CUX1: variants seen among roughly 807,000 people sequenced by gnomAD.
CUX1 encodes cut like homeobox 1, also known as protein CASP.
Under a neutral mutation model 158.8 loss-of-function variants are expected in CUX1, and 31 were observed. That is an observed-to-expected ratio of 0.20 (90% CI 0.15 to 0.26). CUX1 has a LOEUF of 0.26. Ranked by LOEUF, CUX1 falls within the 10% of genes least tolerant of loss-of-function variation. CUX1 has a pLI of 1.00. For synonymous variants in CUX1, 879 were observed against 862.1 expected, an observed-to-expected ratio of 1.02 and a Z score of -0.34; for missense variants, 1,589 against 2,014.6, an observed-to-expected ratio of 0.79 and a Z score of 4.04.
At chr7:102,074,441 C>T (rs1424944958) in intron 4 of CUX1, among the ~76,000 whole-genome samples, 1 of 152,240 alleles carries the variant, frequency 6.6e-6, no homozygotes, top group African/African-American at 2.4e-5. Context: ...CTCCCACCTG[C>T]TTCCCCTTCC....
chr7:102,112,966 T>C (rs1029346979), intron 7 of CUX1, among the ~76,000 whole-genome samples: 12 of 152,160 alleles, frequency 7.9e-5, no homozygotes, highest in Non-Finnish European at 1.8e-4. Flanking sequence ...ATAATTCAAC[T>C]TAAAACACAA....
At chr7:101,969,618 C>T (rs1308726116) in intron 2 of CUX1, among the ~76,000 whole-genome samples, 1 of 152,126 alleles carries the variant, frequency 6.6e-6, no homozygotes, top group East Asian at 1.9e-4. Flanking sequence ...TCGAAGGGAA[C>T]TTAAGATGTA....
chr7:101,890,556 G>T (rs1800771743), intron 1 of CUX1, among the ~76,000 whole-genome samples: 1 of 152,162 alleles, frequency 6.6e-6, no homozygotes, highest in Non-Finnish European at 1.5e-5. Context: ...GGATCAGAGT[G>T]ATACACGCGC....
At chr7:101,845,017 AT>A (rs1408391843) in intron 1 of CUX1, among the ~76,000 whole-genome samples, 1 of 151,784 alleles carries the variant, frequency 6.6e-6, no homozygotes, top group Non-Finnish European at 1.5e-5. Context: ...CTGATGTCTT[AT>A]TTTTTTCTTT....
intron 20 of CUX1, chr7:102,280,980 G>A: frequency 2.3e-6 from 2 of 853,188 alleles, no homozygotes; most frequent in South Asian, 1.5e-5. Flanking sequence ...AAGAGTGGCT[G>A]TGTGATCTGG....
Position 102,252,529 on chromosome 7 carries a change from G to A in CUX1, c.*3487G>A. ...AATGGCTTCTTTTTGTTAATTGGAG[G>A]CATTGTTCATAACTTAAGGCTTTTG... is the stretch of plus-strand genomic sequence containing the variant. On this transcript the variant is annotated 3_prime_UTR_variant, in exon 24 of 24. Transcript: ENST00000292535. The A allele has an allele frequency of 2.0e-6, 2 of 985,424 alleles. No individual in the cohort carries two copies. The highest frequency in any genetic ancestry group is 2.4e-6 in the Non-Finnish European group (2 of 829,942). 61.0% of individuals were successfully genotyped at this position (985,424 alleles called of 1,614,324 possible).
chr7:102,204,610 G>A (rs955244180), intron 19 of CUX1, 54 bp downstream of exon 19: 1 of 1,591,638 alleles, frequency 6.3e-7, no homozygotes. Context: ...CAAGGACCTG[G>A]TCACAGCAGC....
intron 23 of CUX1, among the ~76,000 whole-genome samples, chr7:102,241,704 C>T (rs781800806): frequency 1.4e-4 from 21 of 152,256 alleles, no homozygotes; most frequent in Non-Finnish European, 3.1e-4. Flanking sequence ...ATTGTGAGAA[C>T]TGAGCGCACC....
chr7:101,901,476 A>G (rs1316013795), intron 1 of CUX1, among the ~76,000 whole-genome samples: 1 of 151,790 alleles, frequency 6.6e-6, no homozygotes, highest in Admixed American at 6.6e-5. Context: ...TGTATTTTTA[A>G]TAGAGACAGG....
At chr7:101,913,332 A>G (rs1803717244) in intron 1 of CUX1, 2 of 1,266,786 alleles carry the variant, frequency 1.6e-6, no homozygotes, top group Non-Finnish European at 2.1e-6. Context: ...GCCGACCTGC[A>G]TATGTCTGCG....
intron 4 of CUX1, among the ~76,000 whole-genome samples, chr7:102,076,594 A>G (rs1826757852): frequency 6.6e-6 from 1 of 151,928 alleles, no homozygotes; most frequent in African/African-American, 2.4e-5. Flanking sequence ...ACTCGGGTCA[A>G]TGCCTGAGAC....
At chr7:101,856,182 C>CAAAAAA (rs768518044) in intron 1 of CUX1, among the ~76,000 whole-genome samples, 66 of 48,034 alleles carry the variant, frequency 1.4e-3, no homozygotes, top group African/African-American at 4.2e-3. Flanking sequence ...GACCCTGTCT[C>CAAAAAA]AAAAAAAAAA....
At position 101,852,630 on chromosome 7, in the gene CUX1, A is replaced by T. The variant is rs560417612; in HGVS notation, c.30+34961A>T. ...AAGAACCTGTTGCAACAAATAAAAA[A>T]ATTTTAAAAAAGTTTTCTTCTGTTC... is the stretch of plus-strand genomic sequence containing the variant. On this transcript the variant is annotated intron_variant, in intron 1 of 23. Coordinates refer to ENST00000292535, the MANE Select transcript of CUX1 (RefSeq NM_181552.4). Among the ~76,000 whole-genome samples the T allele has an allele frequency of 3.3e-5, 5 of 151,854 alleles. No homozygotes were observed. The South Asian group carries it at 1.0e-3, about 32-fold the overall frequency.
At chr7:102,241,230 A>G (rs1800173733) in intron 23 of CUX1, among the ~76,000 whole-genome samples, 1 of 152,202 alleles carries the variant, frequency 6.6e-6, no homozygotes, top group Non-Finnish European at 1.5e-5. Context: ...TGTTTGGAGT[A>G]GATGGAGGAA....
At chr7:101,850,772 G>A (rs935205391) in intron 1 of CUX1, among the ~76,000 whole-genome samples, 2 of 152,136 alleles carry the variant, frequency 1.3e-5, no homozygotes, top group Admixed American at 6.5e-5. Flanking sequence ...ATGAGACATG[G>A]ATGAGGATTC....
Position 102,180,551 on chromosome 7 carries a change from C to G in CUX1, c.1017+1894C>G, listed in dbSNP as rs763729722. On this transcript the variant is annotated intron_variant, in intron 11 of 23. Coordinates refer to ENST00000292535, the MANE Select transcript of CUX1 (RefSeq NM_181552.4). ...GTGTTCCCCAGGCTGGTCTGGGACG[C>G]CTGGGCTCAAGCAATTCTCCCACCT... 1.3e-4 allele frequency among the ~76,000 whole-genome samples: 20 copies of G among 151,712 alleles called. 1 individual carries two copies. The highest frequency in any genetic ancestry group is 2.8e-4 in the Non-Finnish European group (19 of 67,964).
rs782167032 is a variant in CUX1 at position 102,239,456 on chromosome 7, G to A, written c.3759G>A (p.Pro1253=). ...QLKKPRVVLA[P]EEKEALKRAY... ...AGAAACCCCGGGTGGTGCTGGCTCC[G>A]GAGGAGAAGGAGGCGCTGAAACGAG... The change falls in exon 23 of 24, where the codon CCG becomes CCA. Residue 1253 remains proline (P), a synonymous_variant. Coordinates refer to ENST00000292535, the MANE Select transcript of CUX1 (RefSeq NM_181552.4). The A allele has an allele frequency of 9.3e-6, 15 of 1,613,934 alleles. No individual in the cohort carries two copies. Among genetic ancestry groups the A allele is most frequent in the South Asian group, 4.4e-5 (4 of 91,096 alleles).
intron 2 of CUX1, among the ~76,000 whole-genome samples, chr7:102,015,878 G>A (rs756132559): frequency 2.6e-5 from 4 of 152,048 alleles, no homozygotes; most frequent in Non-Finnish European, 5.9e-5. Flanking sequence ...GTGGTGGCGC[G>A]ATCACGACTC....
chr7:102,244,059 C>T (rs1181186915), intron 23 of CUX1, among the ~76,000 whole-genome samples: 1 of 151,790 alleles, frequency 6.6e-6, no homozygotes, highest in Non-Finnish European at 1.5e-5. Flanking sequence ...AAAAAGACCA[C>T]TCACCCAGCA....
Sources: gnomAD v4.1 joint callset for allele counts (sites outside exome capture counted in the v4.1 genomes callset) on GRCh38, gnomAD v4.1.1 for gene constraint, MANE v1.5 for transcripts, NCBI Gene and HGNC (gene_info 2026-07-23, HGNC 2026-07-21) for gene names.